The following DGKB variants were observed in gnomAD, a reference collection of about 807,000 sequenced individuals.
DGKB encodes diacylglycerol kinase beta, also known as 90 kDa diacylglycerol kinase.
Under a neutral mutation model 114.3 loss-of-function variants are expected in DGKB, and 67 were observed. The observed-to-expected ratio is 0.59, with a 90% CI of 0.48 to 0.72. The LOEUF is 0.72. Ranked by LOEUF, DGKB falls within the 30% of genes least tolerant of loss-of-function variation. The pLI, the probability that DGKB is intolerant of heterozygous loss-of-function variation, is 0.00. For synonymous variants in DGKB, 398 were observed against 323.1 expected (o/e 1.23, Z -2.49); for missense variants, 907 against 975.2 (o/e 0.93, Z 0.93).
intron 2 of DGKB, among the ~76,000 whole-genome samples, chr7:14,795,283 T>A (rs1181124328): frequency 6.6e-6 from 1 of 152,196 alleles, no homozygotes; most frequent in Non-Finnish European, 1.5e-5. Context: ...CTGCATTAAA[T>A]GTTGCAGCTT....
chr7:14,567,631 G>C (rs898908825), intron 20 of DGKB, among the ~76,000 whole-genome samples: 1 of 131,944 alleles, frequency 7.6e-6, no homozygotes, highest in African/African-American at 2.9e-5. Context: ...TATTGAGATG[G>C]AGTCTCACTC....
rs1422897683 is a variant in DGKB at position 14,212,216 on chromosome 7, ATTT to A, written c.2123-34068_2123-34066del. Among the ~76,000 whole-genome samples, 3 of 5,502 alleles carry A rather than the reference ATTT, an allele frequency of 5.5e-4. 1 individual carries two copies. Among genetic ancestry groups the A allele is most frequent in the African/African-American group, 4.2e-3 (2 of 474 alleles). The allele number at this position is 5,502 out of a possible 152,430, so 3.6% of individuals were successfully genotyped here. A position where few individuals can be genotyped will look rare whatever the true frequency, so the allele number is the denominator to read the frequency against. On this transcript the variant is annotated intron_variant, in intron 23 of 25. Coordinates refer to ENST00000402815, the MANE Select transcript of DGKB (RefSeq NM_001350709.2). ...TGTGATTTTACTCTCGTGTTTTGTG[ATTT>A]TACTCTCATGTTTTGTGATTTTACT...
chr7:14,916,892 C>G (rs1784264891), intron 1 of DGKB, among the ~76,000 whole-genome samples: 1 of 151,790 alleles, frequency 6.6e-6, no homozygotes, highest in African/African-American at 2.4e-5. Flanking sequence ...CATTCTGGGC[C>G]CTAAAACACA....
At chr7:14,266,216 AAC>A (rs1797498799) in intron 23 of DGKB, among the ~76,000 whole-genome samples, 1 of 152,326 alleles carries the variant, frequency 6.6e-6, no homozygotes, top group African/African-American at 2.4e-5. Context: ...GCGCCTAAAT[AAC>A]ACAGTTATTT....
chr7:14,755,414 A>T (rs1275824252), intron 3 of DGKB, among the ~76,000 whole-genome samples: 1 of 152,144 alleles, frequency 6.6e-6, no homozygotes, highest in Non-Finnish European at 1.5e-5. Context: ...TTGCAAATAC[A>T]TTTTATGTAA....
At chr7:14,252,921 C>G (rs1795448572) in intron 23 of DGKB, among the ~76,000 whole-genome samples, 1 of 152,152 alleles carries the variant, frequency 6.6e-6, no homozygotes, top group Non-Finnish European at 1.5e-5. Flanking sequence ...TCTTTCTGCC[C>G]TCTTTAATGT....
intron 1 of DGKB, among the ~76,000 whole-genome samples, chr7:14,948,460 T>C (rs1398736183): frequency 1.3e-5 from 2 of 151,690 alleles, no homozygotes; most frequent in African/African-American, 2.4e-5. Context: ...TGAGCAGTGA[T>C]ACAAGGCAAG....
chr7:14,199,575 C>T (rs1053661187), intron 23 of DGKB, among the ~76,000 whole-genome samples: 2 of 152,130 alleles, frequency 1.3e-5, no homozygotes, highest in South Asian at 2.1e-4. Context: ...CACATGGTCA[C>T]ATTTCCACAA....
chr7:14,208,392 G>C (rs1308622214), intron 23 of DGKB, among the ~76,000 whole-genome samples: 1 of 152,106 alleles, frequency 6.6e-6, no homozygotes, highest in East Asian at 1.9e-4. Context: ...ACCAGTCTAG[G>C]ATAAAGAAGT....
intron 6 of DGKB, among the ~76,000 whole-genome samples, chr7:14,707,414 C>G (rs1268472070): frequency 5.8e-4 from 84 of 144,096 alleles, no homozygotes; most frequent in South Asian, 1.4e-3. Context: ...ACCATTCCTT[C>G]TGAAACTATT....
intron 20 of DGKB, among the ~76,000 whole-genome samples, chr7:14,554,652 C>T (rs1795613426): frequency 1.3e-5 from 2 of 152,142 alleles, no homozygotes; most frequent in South Asian, 4.1e-4. Flanking sequence ...CTATTTACAT[C>T]ATCATGTCAA....
intron 23 of DGKB, among the ~76,000 whole-genome samples, chr7:14,294,477 G>T (rs1290358426): frequency 6.6e-6 from 1 of 152,134 alleles, no homozygotes; most frequent in Non-Finnish European, 1.5e-5. Flanking sequence ...ATGATATAAA[G>T]ATTACCATAC....
chr7:14,888,551 A>C (rs115940056), intron 1 of DGKB, among the ~76,000 whole-genome samples: 1,752 of 151,878 alleles, frequency 0.012, 32 homozygotes, highest in African/African-American at 0.041. Flanking sequence ...AATATAAATG[A>C]TATCCCCCTT....
intron 2 of DGKB, chr7:14,815,357 C>CT (rs1203674813): frequency 1.4e-4 from 21 of 152,206 alleles, no homozygotes; most frequent in African/African-American, 4.8e-4. Context: ...CCCAGGTCCC[C>CT]TTACAGCAGG....
intron 3 of DGKB, among the ~76,000 whole-genome samples, chr7:14,754,515 TCTTC>T (rs1204945130): frequency 2.6e-5 from 4 of 152,066 alleles, no homozygotes; most frequent in Admixed American, 2.6e-4. Flanking sequence ...TCTGCCACTT[TCTTC>T]CCATATCTCA....
intron 2 of DGKB, among the ~76,000 whole-genome samples, chr7:14,779,419 C>T (rs1838735312): frequency 6.6e-6 from 1 of 152,032 alleles, no homozygotes; most frequent in South Asian, 2.1e-4. Flanking sequence ...TGCCTATAGT[C>T]CCAACTACGC....
At chr7:14,300,593 T>C (rs892998859) in intron 23 of DGKB, among the ~76,000 whole-genome samples, 4 of 152,128 alleles carry the variant, frequency 2.6e-5, no homozygotes, top group African/African-American at 9.7e-5. Flanking sequence ...ATACCTGCAG[T>C]CAAATTTAAA....
intron 20 of DGKB, among the ~76,000 whole-genome samples, chr7:14,515,643 A>G (rs2128552700): frequency 6.6e-6 from 1 of 152,328 alleles, no homozygotes; most frequent in East Asian, 1.9e-4. Flanking sequence ...TTCAATACCA[A>G]AGTATTTATT....
At chr7:14,519,415 T>C (rs889019904) in intron 20 of DGKB, among the ~76,000 whole-genome samples, 1 of 152,112 alleles carries the variant, frequency 6.6e-6, no homozygotes, top group Non-Finnish European at 1.5e-5. Context: ...TTATAGCACA[T>C]AGCAATATTT....
Sources: allele counts gnomAD v4.1 joint callset (sites outside exome capture counted in the v4.1 genomes callset), GRCh38; gene constraint gnomAD v4.1.1; transcripts MANE v1.5; gene names NCBI Gene and HGNC (gene_info 2026-07-23, HGNC 2026-07-21).